Variants in LHFPL6 observed in about 807,000 individuals in gnomAD.
LHFPL6 encodes the protein LHFPL tetraspan subfamily member 6 protein.
LHFPL6 carries 9 observed loss-of-function variants against 20.6 expected under a neutral mutation model. That is an observed-to-expected ratio of 0.44 (90% confidence interval 0.26 to 0.76). LHFPL6 has a LOEUF of 0.76. LHFPL6 is among the 30% of genes least tolerant of loss of function. The pLI, the probability that LHFPL6 is intolerant of heterozygous loss-of-function variation, is 0.20. For synonymous variants in LHFPL6, 105 were observed against 98.7 expected (o/e 1.06, Z -0.38); for missense variants, 218 against 253.5 (o/e 0.86, Z 0.95).
chr13:39,422,517 C>A (rs1320864042), intron 2 of LHFPL6, among the ~76,000 whole-genome samples: 1 of 145,868 alleles, frequency 6.9e-6, no homozygotes, highest in African/African-American at 2.5e-5. Flanking sequence ...ACCTAGGAGG[C>A]GGCAGTTGCA....
chr13:39,527,174 C>T (rs1200630749), intron 2 of LHFPL6, among the ~76,000 whole-genome samples: 2 of 152,106 alleles, frequency 1.3e-5, no homozygotes, highest in African/African-American at 2.4e-5. Context: ...TTATGTTTTC[C>T]TTTGTCCAGT....
At chr13:39,520,555 T>C (rs1275300121) in intron 2 of LHFPL6, among the ~76,000 whole-genome samples, 2 of 152,130 alleles carry the variant, frequency 1.3e-5, no homozygotes, top group Non-Finnish European at 2.9e-5. Context: ...ACTGGGCAAA[T>C]TAACAAGTTG....
At chr13:39,534,868 T>G (rs979179378) in intron 2 of LHFPL6, among the ~76,000 whole-genome samples, 6 of 152,250 alleles carry the variant, frequency 3.9e-5, no homozygotes, top group African/African-American at 1.4e-4. Context: ...CTACCCATTT[T>G]ATTTTCCTAG....
intron 3 of LHFPL6, among the ~76,000 whole-genome samples, chr13:39,369,621 T>TCCTTCCTTCCTTCCTC (rs1870115094): frequency 1.5e-5 from 2 of 131,052 alleles, no homozygotes; most frequent in Admixed American, 7.4e-5. Context: ...CTCCCTTCCT[T>TCCTTCCTTCCTTCCTC]CCCCCTTTCC....
intron 2 of LHFPL6, among the ~76,000 whole-genome samples, chr13:39,592,153 C>A (rs1872624444): frequency 6.6e-6 from 1 of 150,614 alleles, no homozygotes; most frequent in Non-Finnish European, 1.5e-5. Flanking sequence ...AGAAACTTCA[C>A]AGGAAAGCAT....
At chr13:39,537,655 T>C (rs974583973) in intron 2 of LHFPL6, among the ~76,000 whole-genome samples, 1 of 152,202 alleles carries the variant, frequency 6.6e-6, no homozygotes, top group African/African-American at 2.4e-5. Context: ...TCTTTAATCA[T>C]TTTGTTGCTT....
At position 39,573,439 on chromosome 13, in the gene LHFPL6, T is replaced by C. The variant is rs189713404; in HGVS notation, c.385+27393A>G. On this transcript the variant is annotated intron_variant, in intron 2 of 3. Coordinates refer to ENST00000379589, the MANE Select transcript of LHFPL6 (RefSeq NM_005780.3). Reference sequence around the variant, plus strand: ...TAATTGGAAGATCTTAATGAAAATATAGAATAAAGAAAACTATTTTAATAG... The same window carrying C: ...TAATTGGAAGATCTTAATGAAAATACAGAATAAAGAAAACTATTTTAATAG... Among the ~76,000 whole-genome samples the C allele has an allele frequency of 3.9e-5, 6 of 152,294 alleles. 1 individual carries two copies. Among genetic ancestry groups the C allele is most frequent in the South Asian group, 2.1e-4 (1 of 4,832 alleles).
intron 2 of LHFPL6, among the ~76,000 whole-genome samples, chr13:39,443,863 A>G (rs1010940050): frequency 6.6e-6 from 1 of 151,390 alleles, no homozygotes; most frequent in African/African-American, 2.4e-5. Context: ...ATTCCATACT[A>G]GATTATACAA....
At chr13:39,576,350 G>T (rs1173344022) in intron 2 of LHFPL6, among the ~76,000 whole-genome samples, 1 of 152,170 alleles carries the variant, frequency 6.6e-6, no homozygotes, top group African/African-American at 2.4e-5. Flanking sequence ...AACTGGTGGA[G>T]GCTGACATCA....
intron 2 of LHFPL6, among the ~76,000 whole-genome samples, chr13:39,491,976 T>G (rs981871368): frequency 5.3e-5 from 8 of 152,220 alleles, no homozygotes; most frequent in African/African-American, 1.9e-4. Context: ...TTTGATAGTT[T>G]CTCAAAATGT....
intron 2 of LHFPL6, among the ~76,000 whole-genome samples, chr13:39,411,653 C>A (rs1037651566): frequency 6.6e-6 from 1 of 152,260 alleles, no homozygotes; most frequent in South Asian, 2.1e-4. Context: ...TCAGAAAAGG[C>A]GCTATGATTA....
chr13:39,399,448 G>A (rs1870927962), intron 2 of LHFPL6, among the ~76,000 whole-genome samples: 1 of 152,154 alleles, frequency 6.6e-6, no homozygotes, highest in Non-Finnish European at 1.5e-5. Flanking sequence ...ATGATAAGTA[G>A]GAAAGAGACA....
chr13:39,536,021 C>T (rs537772914), intron 2 of LHFPL6, among the ~76,000 whole-genome samples: 2 of 152,264 alleles, frequency 1.3e-5, no homozygotes, highest in African/African-American at 4.8e-5. Flanking sequence ...AAAAATGAGA[C>T]ACACTAACCT....
At chr13:39,593,968 A>C (rs1872690741) in intron 2 of LHFPL6, among the ~76,000 whole-genome samples, 1 of 152,226 alleles carries the variant, frequency 6.6e-6, no homozygotes, top group Non-Finnish European at 1.5e-5. Context: ...AATCAATTCA[A>C]GATGGATTAA....
At chr13:39,349,567 C>T (rs1173962640) in intron 3 of LHFPL6, among the ~76,000 whole-genome samples, 1 of 152,158 alleles carries the variant, frequency 6.6e-6, no homozygotes, top group East Asian at 1.9e-4. Flanking sequence ...ATAATTCCTG[C>T]TATCAAGAAG....
intron 2 of LHFPL6, among the ~76,000 whole-genome samples, chr13:39,521,440 G>T (rs1166044622): frequency 6.6e-6 from 1 of 152,162 alleles, no homozygotes; most frequent in Non-Finnish European, 1.5e-5. Flanking sequence ...CTGAAAGGGA[G>T]ATTAGTGGTT....
At chr13:39,479,563 TAATGTC>T (rs1461873107) in intron 2 of LHFPL6, among the ~76,000 whole-genome samples, 1 of 152,152 alleles carries the variant, frequency 6.6e-6, no homozygotes, top group Non-Finnish European at 1.5e-5. Context: ...GCATCAACAG[TAATGTC>T]AGAGAAATCA....
intron 2 of LHFPL6, among the ~76,000 whole-genome samples, chr13:39,489,688 G>A (rs922044121): frequency 3.3e-5 from 5 of 151,904 alleles, no homozygotes; most frequent in African/African-American, 4.8e-5. Context: ...AAATAGCTGG[G>A]ACTACAGGCA....
intron 2 of LHFPL6, among the ~76,000 whole-genome samples, chr13:39,398,457 TAAAGGGTAAAGCCTTTCTGC>T (rs1192154179): frequency 1.3e-5 from 2 of 152,208 alleles, no homozygotes; most frequent in Admixed American, 1.3e-4. Flanking sequence ...CTCAACTCCC[TAAAGGGTAAAGCCTTTCTGC>T]AAAGGGCAGA....
Sources: allele counts gnomAD v4.1 joint callset (sites outside exome capture counted in the v4.1 genomes callset), GRCh38; gene constraint gnomAD v4.1.1; transcripts MANE v1.5; gene names NCBI Gene and HGNC (gene_info 2026-07-23, HGNC 2026-07-21).